Variants in OXR1 observed in about 807,000 individuals in gnomAD.
OXR1 encodes the protein oxidation resistance 1, also known as oxidation resistance protein 1.
OXR1 carries 41 observed loss-of-function variants against 104.6 expected under a neutral mutation model. The observed-to-expected ratio is 0.39, with a 90% CI of 0.31 to 0.51. The LOEUF is 0.51. Among genes scored for constraint, OXR1 ranks in the 20% least tolerant of loss-of-function variants. The probability of loss-of-function intolerance (pLI) is 0.77; values close to 1 mark genes in which losing one functional copy is unlikely to be tolerated. For synonymous variants in OXR1, 348 were observed against 348.4 expected (o/e 1.00, Z 0.01); for missense variants, 955 against 1,031.9 (o/e 0.93, Z 1.02).
intron 11 of OXR1, chr8:106,726,127 C>T (rs1020854226): frequency 2.1e-6 from 3 of 1,410,316 alleles, no homozygotes; most frequent in African/African-American, 3.0e-5. Flanking sequence ...CTCTAGCAAA[C>T]TGTTTTGTCA....
At chr8:106,725,594 AACAG>A (rs750883277) in intron 11 of OXR1, among the ~76,000 whole-genome samples, 14 of 152,208 alleles carry the variant, frequency 9.2e-5, no homozygotes, top group Non-Finnish European at 1.8e-4. Context: ...GCAATTTAAA[AACAG>A]ACTGTGTAAC....
At chr8:106,583,208 C>CTGACTCG (rs1818380926) in intron 3 of OXR1, among the ~76,000 whole-genome samples, 1 of 152,148 alleles carries the variant, frequency 6.6e-6, no homozygotes, top group Admixed American at 6.5e-5. Flanking sequence ...CTTGATTCCA[C>CTGACTCG]TGACTCGTGA....
chr8:106,687,491 C>T (rs565247752), intron 6 of OXR1, among the ~76,000 whole-genome samples: 6 of 152,224 alleles, frequency 3.9e-5, no homozygotes, highest in African/African-American at 1.4e-4. Flanking sequence ...GAGGCCGAGG[C>T]AGGCAGATCA....
At chr8:106,395,022 A>G (rs1817721189) in intron 2 of OXR1, among the ~76,000 whole-genome samples, 1 of 138,430 alleles carries the variant, frequency 7.2e-6, no homozygotes, top group Non-Finnish European at 1.6e-5. Flanking sequence ...AAAGTAATTG[A>G]CCTGAATAAC....
At chr8:106,404,413 G>A (rs1818130163) in intron 2 of OXR1, among the ~76,000 whole-genome samples, 1 of 152,148 alleles carries the variant, frequency 6.6e-6, no homozygotes, top group South Asian at 2.1e-4. Context: ...GAGAACCTGT[G>A]AGACTAGGAG....
chr8:106,370,083 G>C (rs1416754328), intron 2 of OXR1, among the ~76,000 whole-genome samples: 1 of 152,116 alleles, frequency 6.6e-6, no homozygotes, highest in Non-Finnish European at 1.5e-5. Flanking sequence ...TTGAGCAGTG[G>C]TTTGTAGTTC....
intron 3 of OXR1, among the ~76,000 whole-genome samples, chr8:106,541,528 T>A (rs1814950915): frequency 6.6e-6 from 1 of 152,212 alleles, no homozygotes. Flanking sequence ...GGTGCTAGCA[T>A]GTACTGCATG....
intron 2 of OXR1, among the ~76,000 whole-genome samples, chr8:106,487,196 G>T (rs941858511): frequency 6.6e-6 from 1 of 151,600 alleles, no homozygotes; most frequent in South Asian, 2.1e-4. Context: ...GCTAATTTTT[G>T]TATTTTTAGT....
chr8:106,288,580 G>A lies in OXR1; in HGVS notation c.-139+18213G>A, dbSNP rs542138781. On this transcript the variant is annotated intron_variant, in intron 1 of 16. Coordinates refer to ENST00000517566, the MANE Select transcript of OXR1 (RefSeq NM_001198533.2). ...GTGTGTATATATATGGTGTGTATAT[G>A]TATATACACACCATATATATACTCT... Among the ~76,000 whole-genome samples the A allele has an allele frequency of 4.3e-3, 578 of 134,154 alleles. 4 individuals are homozygous for A. Among genetic ancestry groups the A allele is most frequent in the Admixed American group, 9.4e-3 (125 of 13,340 alleles). The allele number at this position is 134,154 out of a possible 152,430, so 88.0% of individuals were successfully genotyped here. A position where few individuals can be genotyped will look rare whatever the true frequency, so the allele number is the denominator to read the frequency against.
chr8:106,726,540 C>T (rs1833362808), intron 11 of OXR1, among the ~76,000 whole-genome samples: 1 of 152,112 alleles, frequency 6.6e-6, no homozygotes, highest in Admixed American at 6.5e-5. Context: ...TTTGTATGTT[C>T]TACACCAACA....
Position 106,586,888 on chromosome 8 carries a change from G to A in OXR1, c.220+67749G>A, listed in dbSNP as rs114387403. On this transcript the variant is annotated intron_variant, in intron 3 of 16. Coordinates refer to ENST00000517566, the MANE Select transcript of OXR1 (RefSeq NM_001198533.2). ...TCAGCAAGAGCAGTTCAGTGCAGTG[G>A]TGGGTCTCTAGGCCCACTTAGAATG... is the stretch of plus-strand genomic sequence containing the variant. 7.5e-3 allele frequency among the ~76,000 whole-genome samples: 1,142 copies of A among 152,276 alleles called. 13 individuals are homozygous for A. The highest frequency in any genetic ancestry group is 0.026 in the African/African-American group (1,095 of 41,560).
chr8:106,370,154 G>T (rs1816642633), intron 2 of OXR1, among the ~76,000 whole-genome samples: 1 of 152,064 alleles, frequency 6.6e-6, no homozygotes, highest in African/African-American at 2.4e-5. Context: ...TATTCTCTTT[G>T]TAGTGATTGT....
intron 3 of OXR1, among the ~76,000 whole-genome samples, chr8:106,533,903 G>A (rs1351179511): frequency 6.6e-6 from 1 of 151,936 alleles, no homozygotes; most frequent in East Asian, 1.9e-4. Flanking sequence ...AGTAGAGACA[G>A]GGCTTTTCCA....
intron 2 of OXR1, among the ~76,000 whole-genome samples, chr8:106,386,112 TA>T (rs1243916503): frequency 1.3e-5 from 2 of 152,142 alleles, no homozygotes; most frequent in African/African-American, 4.8e-5. Context: ...AGAACACTCT[TA>T]GGGTATGGTT....
intron 3 of OXR1, among the ~76,000 whole-genome samples, chr8:106,649,032 C>A (rs1326045764): frequency 1.3e-5 from 2 of 152,116 alleles, no homozygotes; most frequent in Non-Finnish European, 2.9e-5. Flanking sequence ...TGGCAAAACC[C>A]TGTCTCTACA....
chr8:106,509,047 T>C (rs905311816), intron 2 of OXR1, among the ~76,000 whole-genome samples: 9 of 152,212 alleles, frequency 5.9e-5, no homozygotes, highest in African/African-American at 2.2e-4. Flanking sequence ...CCTAAAGTCT[T>C]AAAATAGTCA....
intron 7 of OXR1, among the ~76,000 whole-genome samples, chr8:106,698,544 A>T (rs915717591): frequency 5.9e-5 from 9 of 152,238 alleles, no homozygotes; most frequent in South Asian, 2.1e-4. Flanking sequence ...GCTACTTAAC[A>T]TTGGGTCTCA....
At chr8:106,652,107 C>T (rs1342065953) in intron 3 of OXR1, among the ~76,000 whole-genome samples, 1 of 151,970 alleles carries the variant, frequency 6.6e-6, no homozygotes, top group Non-Finnish European at 1.5e-5. Context: ...TCTTTCTAAT[C>T]GCACAAAAAC....
At chr8:106,360,826 T>A (rs546466367) in intron 2 of OXR1, among the ~76,000 whole-genome samples, 1 of 152,246 alleles carries the variant, frequency 6.6e-6, no homozygotes, top group South Asian at 2.1e-4. Flanking sequence ...CTTAAAGGAA[T>A]TATACTCCTG....
Sources: allele counts gnomAD v4.1 joint callset (sites outside exome capture counted in the v4.1 genomes callset), GRCh38; gene constraint gnomAD v4.1.1; transcripts MANE v1.5; gene names NCBI Gene and HGNC (gene_info 2026-07-23, HGNC 2026-07-21).